ZBBX: variants seen among roughly 807,000 people sequenced by gnomAD.
The protein encoded by ZBBX is zinc finger B-box domain containing.
Under a neutral mutation model 108.5 loss-of-function variants are expected in ZBBX, and 101 were observed. That is an observed-to-expected ratio of 0.93 (90% confidence interval 0.79 to 1.10). ZBBX has a LOEUF of 1.10. Ranked by LOEUF, ZBBX falls within the 50% of genes least tolerant of loss-of-function variation. The pLI, the probability that ZBBX is intolerant of heterozygous loss-of-function variation, is 0.00. For missense variants in ZBBX, 1,009 were observed against 941.4 expected, an observed-to-expected ratio of 1.07 and a Z score of -0.94; for synonymous variants, 356 against 323.4, an observed-to-expected ratio of 1.10 and a Z score of -1.08.
At chr3:167,323,235 AAG>A (rs35036046) in intron 11 of ZBBX, among the ~76,000 whole-genome samples, 14,009 of 30,308 alleles carry the variant, frequency 0.46, 2,042 homozygotes, top group African/African-American at 0.55. Context: ...GGAGAGCTAA[AAG>A]AGGGGGGGGG....
intron 18 of ZBBX, among the ~76,000 whole-genome samples, chr3:167,294,714 G>A (rs1037718964): frequency 2.0e-5 from 3 of 152,248 alleles, no homozygotes; most frequent in Non-Finnish European, 4.4e-5. Flanking sequence ...TTAAACTAAA[G>A]GGCTTCTGCA....
chr3:167,193,688 A>G, the ZBBX span, among the ~76,000 whole-genome samples: 1 of 152,126 alleles, frequency 6.6e-6, no homozygotes. Context: ...TGTTTATTGC[A>G]GCACTATTCA....
At chr3:167,381,455 G>A (rs1450386080), upstream of ZBBX, 1 of 152,178 alleles carries the variant, frequency 6.6e-6, no homozygotes, top group African/African-American at 2.4e-5. Flanking sequence ...TTAGCTCTAA[G>A]CCAGGCCCAT....
intron 18 of ZBBX, among the ~76,000 whole-genome samples, chr3:167,294,184 G>GA (rs1400290504): frequency 6.6e-6 from 1 of 151,964 alleles, no homozygotes; most frequent in Non-Finnish European, 1.5e-5. Context: ...CACAGGATTG[G>GA]AAAAAATTTA....
chr3:167,403,062 T>C (rs960975584), intron 1 of ZBBX, among the ~76,000 whole-genome samples: 4 of 152,130 alleles, frequency 2.6e-5, no homozygotes, highest in African/African-American at 7.2e-5. Context: ...TCCTTATATG[T>C]TTGAAAATAC....
At chr3:167,334,635 G>C (rs1739253516) in intron 9 of ZBBX, among the ~76,000 whole-genome samples, 1 of 152,074 alleles carries the variant, frequency 6.6e-6, no homozygotes, top group Non-Finnish European at 1.5e-5. Context: ...CTTGCCCTTG[G>C]TCACAGTGCT....
intron 17 of ZBBX, among the ~76,000 whole-genome samples, chr3:167,303,933 C>T (rs1733151641): frequency 6.6e-6 from 1 of 152,108 alleles, no homozygotes; most frequent in South Asian, 2.1e-4. Flanking sequence ...TATGTCTTTG[C>T]TGCAATACAA....
In ZBBX at chr3:167,314,098, A is replaced by G. The variant is rs774334525; in HGVS notation, c.1293T>C (p.Cys431=). The change falls in exon 16 of 22, where the codon TGT becomes TGC. Residue 431 remains cysteine (C), a synonymous_variant. Coordinates refer to ENST00000675490, the MANE Select transcript of ZBBX (RefSeq NM_001199201.2). ...TTTCATATGGAAAGCTATTCTTCTG[A>G]CAATCATGAAAAGCACAACTTTCAC... ...DSQRSCAFHD[C]QKNSFPYENG... 10 of 1,593,418 alleles carry G rather than the reference A, an allele frequency of 6.3e-6. No individual in the cohort carries two copies. The highest frequency in any genetic ancestry group is 2.3e-5 in the South Asian group (2 of 86,424).
intron 20 of ZBBX, among the ~76,000 whole-genome samples, chr3:167,256,340 G>A (rs1723508393): frequency 6.6e-6 from 1 of 152,008 alleles, no homozygotes; most frequent in African/African-American, 2.4e-5. Flanking sequence ...CACATAGTAG[G>A]TGTATATATT....
intron 20 of ZBBX, among the ~76,000 whole-genome samples, chr3:167,274,233 T>G (rs1472128546): frequency 6.6e-6 from 1 of 152,202 alleles, no homozygotes; most frequent in African/African-American, 2.4e-5. Flanking sequence ...TCAGGATGGC[T>G]AGAAAGATGA....
At chr3:167,206,182 T>G in the ZBBX span, among the ~76,000 whole-genome samples, 1 of 152,082 alleles carries the variant, frequency 6.6e-6, no homozygotes, top group Non-Finnish European at 1.5e-5. Flanking sequence ...CTATTATCCA[T>G]TTCTATGTAT....
intron 20 of ZBBX, among the ~76,000 whole-genome samples, chr3:167,257,557 T>A (rs1350343966): frequency 6.6e-6 from 1 of 152,122 alleles, no homozygotes; most frequent in African/African-American, 2.4e-5. Flanking sequence ...TGTTAAGACC[T>A]TCTATACCCA....
At chr3:167,398,033 C>T (rs1276214551) in intron 1 of ZBBX, among the ~76,000 whole-genome samples, 1 of 151,618 alleles carries the variant, frequency 6.6e-6, no homozygotes, top group Non-Finnish European at 1.5e-5. Flanking sequence ...GTAGTGTGCC[C>T]ATTTTGTTCT....
In ZBBX at chr3:167,239,894, G is replaced by A. The variant is rs1198679675; in HGVS notation, c.*899C>T. On this transcript the variant is annotated 3_prime_UTR_variant, in exon 22 of 22. Transcript: ENST00000675490. Reference sequence around the variant, plus strand: ...TGACTCACAGTTCAGCATGGTGGGGGAGGCCTCAGGAAATCATGGTGAAAG... The same window carrying A: ...TGACTCACAGTTCAGCATGGTGGGGAAGGCCTCAGGAAATCATGGTGAAAG... Among the ~76,000 whole-genome samples the A allele has an allele frequency of 6.6e-6, 1 of 152,114 alleles. No homozygotes were observed. The highest frequency in any genetic ancestry group is 2.4e-5 in the African/African-American group (1 of 41,426).
chr3:167,318,060 G>A (rs1307904060), intron 12 of ZBBX, among the ~76,000 whole-genome samples: 2 of 151,968 alleles, frequency 1.3e-5, no homozygotes, highest in African/African-American at 2.4e-5. Context: ...CAATAAAAAT[G>A]TAAGGTGTTC....
Position 167,298,383 on chromosome 3 carries a change from C to CAAAAAAA in ZBBX, c.1800_1801insTTTTTTT (p.Asp601PhefsTer3). ...AGTAAGTTGAGTCTTTCATTTGTAT[C>CAAAAAAA]AAAAATAAAGAATCTCTCAAGTCCT... On this transcript the variant is annotated frameshift_variant, in exon 18 of 22. Coordinates refer to ENST00000675490, the MANE Select transcript of ZBBX (RefSeq NM_001199201.2). LOFTEE classifies it high-confidence loss of function. 6.3e-7 allele frequency: 1 copy of CAAAAAAA among 1,597,002 alleles called. No homozygotes were observed. Among genetic ancestry groups the CAAAAAAA allele is most frequent in the South Asian group, 1.1e-5 (1 of 87,928 alleles).
chr3:167,191,368 T>C, the ZBBX span, among the ~76,000 whole-genome samples: 1 of 152,204 alleles, frequency 6.6e-6, no homozygotes, highest in East Asian at 1.9e-4. Context: ...ATTGATATTC[T>C]TTTCTCTGAT....
chr3:167,313,285 GT>G (rs1434960199), intron 16 of ZBBX, among the ~76,000 whole-genome samples: 1 of 151,966 alleles, frequency 6.6e-6, no homozygotes, highest in Non-Finnish European at 1.5e-5. Context: ...GTTTTGTTTT[GT>G]TTTTTTGAGA....
chr3:167,369,103 C>A (rs1007953727), intron 4 of ZBBX, among the ~76,000 whole-genome samples: 42 of 152,126 alleles, frequency 2.8e-4, no homozygotes, highest in African/African-American at 9.9e-4. Flanking sequence ...CCCCTATTAA[C>A]AGTTTTGGTA....
Sources: allele counts gnomAD v4.1 joint callset (sites outside exome capture counted in the v4.1 genomes callset), GRCh38; gene constraint gnomAD v4.1.1; transcripts MANE v1.5; gene names NCBI Gene and HGNC (gene_info 2026-07-23, HGNC 2026-07-21).